The following DBH variants were observed in gnomAD, a reference collection of about 807,000 sequenced individuals.
DBH encodes the protein dopamine beta-hydroxylase.
In DBH, 49 loss-of-function variants were observed where a neutral mutation model predicts 64.0. That is an observed-to-expected ratio of 0.77 (90% CI 0.61 to 0.97). The LOEUF is 0.97. Among genes scored for constraint, DBH ranks in the 50% least tolerant of loss-of-function variants. The probability of loss-of-function intolerance (pLI) is 0.00; values close to 1 mark genes in which losing one functional copy is unlikely to be tolerated. For missense variants in DBH, 828 were observed against 826.6 expected (o/e 1.00, Z -0.02); for synonymous variants, 343 against 347.1 (o/e 0.99, Z 0.13).
In DBH at chr9:133,644,233, G is replaced by C; in HGVS notation, c.937G>C (p.Glu313Gln). 2 of 1,614,120 alleles carry C rather than the reference G, an allele frequency of 1.2e-6. No individual in the cohort carries two copies. Among genetic ancestry groups the C allele is most frequent in the Non-Finnish European group, 8.5e-7 (1 of 1,179,970 alleles). Residue 313 changes from glutamate (E) to glutamine (Q), a missense_variant, in exon 5 of 12, where the codon GAG (glutamate) becomes CAG (glutamine). Transcript: ENST00000393056. The stretch of plus-strand genomic sequence containing the variant: ...CCCCACACAGGCATTTTACTACCCA[G>C]AGGAAGCCGGCCTTGCCTTCGGGGG... ...ALGAKAFYYP[E>Q]EAGLAFGGPG...
Position 133,642,422 on chromosome 9 carries a change from T to C in DBH, c.702T>C (p.Ile234=). ...PSQETTYWCY[I]KELPKGFSRH... The stretch of plus-strand genomic sequence containing the variant: ...AGGAGACCACGTACTGGTGCTACAT[T>C]AAGGAGCTTCCAAAGGGCTTCTCTC... Residue 234 remains isoleucine (I), a synonymous_variant, in exon 3 of 12, where the codon ATT becomes ATC. Transcript: ENST00000393056. 1 of 1,613,464 alleles carries C rather than the reference T, an allele frequency of 6.2e-7. No homozygotes were observed. The highest frequency in any genetic ancestry group is 8.5e-7 in the Non-Finnish European group (1 of 1,179,726).
In DBH at chr9:133,652,998, T is replaced by C; in HGVS notation, c.1433T>C (p.Val478Ala). Residue 478 changes from valine to alanine, a missense_variant and splice_region_variant, in exon 9 of 12, where the codon GTG becomes GCG. Coordinates refer to ENST00000393056, the MANE Select transcript of DBH (RefSeq NM_000787.4). ...ACAGAAGACCGGGAGCTGGCCACAG[T>C]GGTAAGTCACCCCCGCTTCCCCCTG... ...YNTEDRELAT[V>A]GGFGILEEMC... is the part of the protein sequence containing the mutation. 2 of 1,612,014 alleles carry C rather than the reference T, an allele frequency of 1.2e-6. No individual in the cohort carries two copies. Among genetic ancestry groups the C allele is most frequent in the Non-Finnish European group, 1.7e-6 (2 of 1,178,414 alleles).
intron 4 of DBH, 138 bp from the exon 5 acceptor site, chr9:133,644,080 G>C: frequency 1.3e-6 from 1 of 747,792 alleles, no homozygotes; most frequent in Non-Finnish European, 2.4e-6. Context: ...CTGTCAGGAG[G>C]AAGCATCGCT....
rs568597887 is a variant in DBH at position 133,643,898 on chromosome 9, G to A, written c.921+309G>A. On this transcript the variant is annotated intron_variant, in intron 4 of 11. Coordinates refer to ENST00000393056, the MANE Select transcript of DBH (RefSeq NM_000787.4). The surrounding 1 kb of genome is among the most constrained non-coding windows in gnomAD (Gnocchi z 5.3). Reference sequence around the variant, plus strand: ...ACAGGTGGTCCCAGGGCTGGCTGGCGGTGGGGCCAGTGTTGAGGCCTCCAC... The same window carrying A: ...ACAGGTGGTCCCAGGGCTGGCTGGCAGTGGGGCCAGTGTTGAGGCCTCCAC... Among the ~76,000 whole-genome samples, 7 of 152,246 alleles carry A rather than the reference G, an allele frequency of 4.6e-5. No individual in the cohort carries two copies. In the South Asian group the frequency reaches 6.2e-4, roughly 14 times the overall value.
rs1428490695 is a variant in DBH, at chr9:133,644,311, G to C, written c.1015G>C (p.Val339Leu). 3 of 1,613,788 alleles carry C rather than the reference G, an allele frequency of 1.9e-6. No homozygotes were observed. Among genetic ancestry groups the C allele is most frequent in the Non-Finnish European group, 2.5e-6 (3 of 1,179,652 alleles). Reference sequence around the variant, plus strand: ...GGAAGTTCACTACCACAACCCACTGGTGATAGAAGGTAGGCGGCTCTGCTG... The same window carrying C: ...GGAAGTTCACTACCACAACCCACTGCTGATAGAAGGTAGGCGGCTCTGCTG... ...RLEVHYHNPL[V>L]IEGRNDSSGI... is the part of the protein sequence containing the mutation. The change falls in exon 5 of 12, where the codon GTG becomes CTG. Residue 339 changes from valine to leucine, a missense_variant. Val to Leu is a conservative substitution (Grantham distance 32, BLOSUM62 1). Transcript: ENST00000393056.
chr9:133,636,424 C>T lies in DBH; in HGVS notation c.53C>T (p.Ala18Val). The T allele has an allele frequency of 4.3e-6, 7 of 1,612,630 alleles. No homozygotes were observed. The highest frequency in any genetic ancestry group is 5.9e-6 in the Non-Finnish European group (7 of 1,179,934). ...ASLPGPSMRE[A>V]AFMYSTAVAI... ...CTGCCCGGCCCCAGCATGCGGGAGG[C>T]AGCCTTCATGTACAGCACAGCAGTG... is the stretch of plus-strand genomic sequence containing the variant. Residue 18 changes from alanine (A) to valine (V), a missense_variant, in exon 1 of 12, where the codon GCA (alanine) becomes GTA (valine). Ala to Val is a moderately conservative substitution (Grantham distance 64). Transcript: ENST00000393056.
At chr9:133,653,335 TG>T in intron 9 of DBH, among the ~76,000 whole-genome samples, 1 of 152,100 alleles carries the variant, frequency 6.6e-6, no homozygotes, top group East Asian at 1.9e-4. Flanking sequence ...GGGGCTGGTG[TG>T]GGGAGAAGCT....
intron 7 of DBH, 130 bp downstream of exon 7, chr9:133,651,907 G>A (rs1032042162): frequency 8.7e-5 from 74 of 849,686 alleles, no homozygotes; most frequent in Non-Finnish European, 1.1e-4. Flanking sequence ...AGCCCCACCC[G>A]CCCCCCACCC....
chr9:133,651,828 C>A, intron 7 of DBH, 51 bp downstream of exon 7: 1 of 1,486,698 alleles, frequency 6.7e-7, no homozygotes, highest in Non-Finnish European at 9.1e-7. Flanking sequence ...TGCCACCACA[C>A]GACCTCCTGG....
Position 133,652,282 on chromosome 9 carries a change from C to T in DBH, c.1372C>T (p.Pro458Ser). 6.2e-7 allele frequency: 1 copy of T among 1,613,446 alleles called. No individual in the cohort carries two copies. Among genetic ancestry groups the T allele is most frequent in the South Asian group, 1.1e-5 (1 of 91,076 alleles). Residue 458 changes from proline to serine, a missense_variant and splice_region_variant, in exon 8 of 12, where the codon CCG becomes TCG. By Grantham distance (74) the Pro-to-Ser change is moderately conservative. Coordinates refer to ENST00000393056, the MANE Select transcript of DBH (RefSeq NM_000787.4). ...GTTGAAGAAGGTCGTGTCGGTCCAT[C>T]CGGTGAGTGCCCAGCGGGAAGGCTG... ...RMLKKVVSVH[P>S]GDVLITSCTY...
At chr9:133,649,153 C>T (rs752049608) in intron 6 of DBH, among the ~76,000 whole-genome samples, 7 of 152,142 alleles carry the variant, frequency 4.6e-5, no homozygotes, top group Non-Finnish European at 8.8e-5. Flanking sequence ...TTTTCCTCTG[C>T]CTCTTGGCCA....
intron 9 of DBH, among the ~76,000 whole-genome samples, chr9:133,654,028 C>T (rs1291327285): frequency 1.3e-5 from 2 of 152,234 alleles, no homozygotes; most frequent in African/African-American, 4.8e-5. Flanking sequence ...GTCCATGTCA[C>T]AGCCCTATTC....
At position 133,652,291 on chromosome 9, in the gene DBH, G is replaced by A. The variant is rs1202667507; in HGVS notation, c.1374+7G>A. ...GGTCGTGTCGGTCCATCCGGTGAGT[G>A]CCCAGCGGGAAGGCTGTCCCACTCA... On this transcript the variant is annotated splice_region_variant and intron_variant, in intron 8 of 11. Coordinates refer to ENST00000393056, the MANE Select transcript of DBH (RefSeq NM_000787.4). 1.9e-6 allele frequency: 3 copies of A among 1,612,958 alleles called. No homozygotes were observed. Among genetic ancestry groups the A allele is most frequent in the Non-Finnish European group, 2.5e-6 (3 of 1,180,004 alleles).
rs749898125 is a variant in DBH at position 133,658,700 on chromosome 9, C to G, written c.*253C>G. 9 of 387,178 alleles carry G rather than the reference C, an allele frequency of 2.3e-5. No homozygotes were observed. Among genetic ancestry groups the G allele is most frequent in the African/African-American group, 1.0e-4 (5 of 48,572 alleles). The allele number at this position is 387,178 out of a possible 1,614,324, so 24.0% of individuals were successfully genotyped here. A position where few individuals can be genotyped will look rare whatever the true frequency, so the allele number is the denominator to read the frequency against. On this transcript the variant is annotated 3_prime_UTR_variant, in exon 12 of 12. Transcript: ENST00000393056. ...GACCACGACCTCGTCCATTTAAACC[C>G]GGCTGACTCAGTGCAGGGACAGCCT...
chr9:133,639,439 A>G (rs1334830641), intron 1 of DBH, among the ~76,000 whole-genome samples: 2 of 152,044 alleles, frequency 1.3e-5, no homozygotes. Context: ...GCCTGCATGA[A>G]TGTGGGCAGC....
intron 1 of DBH, among the ~76,000 whole-genome samples, chr9:133,637,677 C>A (rs944372925): frequency 6.6e-6 from 1 of 152,234 alleles, no homozygotes; most frequent in African/African-American, 2.4e-5. Context: ...GGCGGAGAGT[C>A]CCTCTCTGCC....
Position 133,652,239 on chromosome 9 carries a change from G to T in DBH, c.1336-7G>T. Reference sequence around the variant, plus strand: ...TCTCCCCCACCCCTCGGCTCTGCCTGCCCCAGGAGATCCGCATGTTGAAGA... The same window carrying T: ...TCTCCCCCACCCCTCGGCTCTGCCTTCCCCAGGAGATCCGCATGTTGAAGA... On this transcript the variant is annotated splice_polypyrimidine_tract_variant and splice_region_variant and intron_variant, in intron 7 of 11. Coordinates refer to ENST00000393056, the MANE Select transcript of DBH (RefSeq NM_000787.4). 1 of 1,613,848 alleles carries T rather than the reference G, an allele frequency of 6.2e-7. No individual in the cohort carries two copies. The highest frequency in any genetic ancestry group is 8.5e-7 in the Non-Finnish European group (1 of 1,180,014).
At chr9:133,657,497 GGAGAGA>G (rs149061808) in intron 11 of DBH, among the ~76,000 whole-genome samples, 136 of 143,116 alleles carry the variant, frequency 9.5e-4, no homozygotes, top group African/African-American at 2.6e-3. Context: ...GAGAGAGAGA[GGAGAGA>G]GAGAGAGAGA....
chr9:133,656,681 C>A (rs1157601153), intron 10 of DBH, 31 bp downstream of exon 10: 1 of 1,608,438 alleles, frequency 6.2e-7, no homozygotes. Flanking sequence ...CTCCCTGCCC[C>A]CAGGGAACCC....
Sources: gnomAD v4.1 joint callset for allele counts (sites outside exome capture counted in the v4.1 genomes callset) on GRCh38, gnomAD v4.1.1 for gene constraint, Gnocchi (gnomAD v3.1) non-coding constraint, MANE v1.5 for transcripts, NCBI Gene and HGNC (gene_info 2026-07-23, HGNC 2026-07-21) for gene names.